Variants in KCTD8 observed in about 807,000 individuals in gnomAD.
KCTD8 encodes BTB/POZ domain-containing protein KCTD8.
In KCTD8, 27 loss-of-function variants were observed where a neutral mutation model predicts 31.5. The observed-to-expected ratio is 0.86, with a 90% CI of 0.63 to 1.18. The LOEUF is 1.18. Among genes scored for constraint, KCTD8 ranks in the 50% most tolerant of loss-of-function variants. The pLI is 0.00. For synonymous variants in KCTD8, 290 were observed against 280.0 expected (o/e 1.04, Z -0.36); for missense variants, 658 against 647.7 (o/e 1.02, Z -0.17).
Position 44,379,091 on chromosome 4 carries a change from A to G in KCTD8, c.961+68472T>C, listed in dbSNP as rs78358341. On this transcript the variant is annotated intron_variant, in intron 1 of 1. Transcript: ENST00000360029. The stretch of plus-strand genomic sequence containing the variant: ...CTGTGATTATATTGGGCCCACACAG[A>G]TAATCCAGGATAATATCCCCATCTC... 9.3e-3 allele frequency among the ~76,000 whole-genome samples: 1,421 copies of G among 152,180 alleles called. 22 individuals carry two copies. Among genetic ancestry groups the G allele is most frequent in the African/African-American group, 0.033 (1,372 of 41,542 alleles).
At chr4:44,310,054 C>A (rs1354242936) in intron 1 of KCTD8, among the ~76,000 whole-genome samples, 1 of 152,020 alleles carries the variant, frequency 6.6e-6, no homozygotes, top group Non-Finnish European at 1.5e-5. Flanking sequence ...TGTTTTAAAA[C>A]ATGGGACCTG....
At chr4:44,271,572 C>A (rs1716603196) in intron 1 of KCTD8, among the ~76,000 whole-genome samples, 1 of 152,124 alleles carries the variant, frequency 6.6e-6, no homozygotes, top group Non-Finnish European at 1.5e-5. Context: ...CCATGATGCC[C>A]ACACTGAAGG....
intron 1 of KCTD8, among the ~76,000 whole-genome samples, chr4:44,442,588 A>T (rs2109485239): frequency 6.6e-6 from 1 of 152,272 alleles, no homozygotes; most frequent in Non-Finnish European, 1.5e-5. Context: ...TCTGTCTCAA[A>T]AAAATAAAAA....
intron 1 of KCTD8, among the ~76,000 whole-genome samples, chr4:44,351,159 T>G (rs1216504351): frequency 6.6e-6 from 1 of 152,154 alleles, no homozygotes; most frequent in Non-Finnish European, 1.5e-5. Flanking sequence ...ATTTTTAAAT[T>G]GGTGAATTTT....
At chr4:44,219,798 G>T (rs1714754150) in intron 1 of KCTD8, among the ~76,000 whole-genome samples, 1 of 151,938 alleles carries the variant, frequency 6.6e-6, no homozygotes, top group South Asian at 2.1e-4. Context: ...GATATTTTTT[G>T]GTCATCTTAT....
intron 1 of KCTD8, among the ~76,000 whole-genome samples, chr4:44,235,191 GTTT>G (rs34823190): frequency 0.032 from 4,420 of 136,544 alleles, 231 homozygotes; most frequent in African/African-American, 0.11. Context: ...AGTGTGCTGA[GTTT>G]TTTTTTTTTT....
intron 1 of KCTD8, among the ~76,000 whole-genome samples, chr4:44,355,603 C>G (rs1318670767): frequency 6.6e-6 from 1 of 152,068 alleles, no homozygotes; most frequent in Non-Finnish European, 1.5e-5. Flanking sequence ...AATATGTTTG[C>G]CATGAAGAAA....
intron 1 of KCTD8, among the ~76,000 whole-genome samples, chr4:44,206,093 T>A (rs758139961): frequency 6.6e-6 from 1 of 151,902 alleles, no homozygotes; most frequent in Non-Finnish European, 1.5e-5. Context: ...ATTATTTATT[T>A]TTTTTTAATT....
chr4:44,214,274 G>C (rs897116045), intron 1 of KCTD8, among the ~76,000 whole-genome samples: 4 of 152,204 alleles, frequency 2.6e-5, no homozygotes, highest in Non-Finnish European at 4.4e-5. Context: ...AGCCAAAGGA[G>C]CTAGGAGGAT....
intron 1 of KCTD8, among the ~76,000 whole-genome samples, chr4:44,272,075 G>A (rs1023935704): frequency 6.6e-6 from 1 of 150,568 alleles, no homozygotes; most frequent in East Asian, 1.9e-4. Context: ...TACATTGAGT[G>A]TCAACACATA....
At chr4:44,438,817 A>G (rs938943689) in intron 1 of KCTD8, among the ~76,000 whole-genome samples, 1 of 152,192 alleles carries the variant, frequency 6.6e-6, no homozygotes, top group Non-Finnish European at 1.5e-5. Flanking sequence ...TAAGTGGCAA[A>G]AGCTAACATG....
chr4:44,291,098 A>G (rs1410748474), intron 1 of KCTD8, among the ~76,000 whole-genome samples: 2 of 152,154 alleles, frequency 1.3e-5, no homozygotes, highest in Admixed American at 6.6e-5. Context: ...AGAAGATCCA[A>G]ATAAGCACAA....
chr4:44,239,481 G>A (rs1715387254), intron 1 of KCTD8, among the ~76,000 whole-genome samples: 1 of 152,162 alleles, frequency 6.6e-6, no homozygotes, highest in Non-Finnish European at 1.5e-5. Context: ...CATATGGAAA[G>A]GCCAAAGAAA....
At chr4:44,329,831 A>T (rs2109411611) in intron 1 of KCTD8, among the ~76,000 whole-genome samples, 1 of 152,142 alleles carries the variant, frequency 6.6e-6, no homozygotes, top group African/African-American at 2.4e-5. Context: ...AGTCTTTTTC[A>T]CATAAAATTT....
chr4:44,187,968 C>CAA (rs1380846131), intron 1 of KCTD8, among the ~76,000 whole-genome samples: 8 of 133,606 alleles, frequency 6.0e-5, no homozygotes, highest in Admixed American at 3.7e-4. Context: ...AACACACACA[C>CAA]ACACACACAC....
intron 1 of KCTD8, among the ~76,000 whole-genome samples, chr4:44,413,718 C>A (rs57207482): frequency 0.045 from 6,762 of 151,820 alleles, 514 homozygotes; most frequent in African/African-American, 0.16. Flanking sequence ...TAATGCCCCC[C>A]CAAAAGATGT....
intron 1 of KCTD8, among the ~76,000 whole-genome samples, chr4:44,378,728 G>A (rs1234687352): frequency 2.0e-5 from 3 of 152,026 alleles, no homozygotes; most frequent in African/African-American, 7.2e-5. Flanking sequence ...TAAAGATTTG[G>A]GGGTTGTATT....
At chr4:44,296,476 A>G (rs1347507505) in intron 1 of KCTD8, among the ~76,000 whole-genome samples, 2 of 152,158 alleles carry the variant, frequency 1.3e-5, no homozygotes, top group Non-Finnish European at 2.9e-5. Context: ...ACAATAATTT[A>G]TAATGTTATT....
At chr4:44,315,750 A>G (rs905034721) in intron 1 of KCTD8, among the ~76,000 whole-genome samples, 1 of 151,860 alleles carries the variant, frequency 6.6e-6, no homozygotes, top group Non-Finnish European at 1.5e-5. Flanking sequence ...GGTTTAAAAC[A>G]TTTTTTTTCC....
Sources: gnomAD v4.1 joint callset for allele counts (sites outside exome capture counted in the v4.1 genomes callset) on GRCh38, gnomAD v4.1.1 for gene constraint, MANE v1.5 for transcripts, NCBI Gene and HGNC (gene_info 2026-07-23, HGNC 2026-07-21) for gene names.